Variants in SLCO1B1 observed in about 807,000 individuals in gnomAD.
SLCO1B1 encodes OATP-2.
A neutral mutation model predicts 70.1 loss-of-function variants in SLCO1B1; 81 were observed. The ratio of observed to expected loss-of-function variants is 1.16; its 90% CI spans 0.97 to 1.39. SLCO1B1 has a LOEUF of 1.39. Ranked by LOEUF, SLCO1B1 falls within the 40% of genes most tolerant of loss-of-function variation. SLCO1B1 has a pLI of 0.00. For synonymous variants in SLCO1B1, 283 were observed against 271.5 expected (o/e 1.04, Z -0.42); for missense variants, 895 against 799.6 (o/e 1.12, Z -1.44).
intron 1 of SLCO1B1, among the ~76,000 whole-genome samples, chr12:21,137,514 A>G (rs1419541714): frequency 6.6e-6 from 1 of 152,014 alleles, no homozygotes; most frequent in Non-Finnish European, 1.5e-5. Context: ...TGTTTACCTA[A>G]TCAAACAACT....
chr12:21,172,892 G>A (rs781394740), intron 3 of SLCO1B1, 101 bp downstream of exon 3: 17 of 1,083,914 alleles, frequency 1.6e-5, no homozygotes, highest in Non-Finnish European at 2.3e-5. Flanking sequence ...ATCTCTCACA[G>A]GCAATTTGGC....
intron 7 of SLCO1B1, 66 bp from the exon 8 acceptor site, chr12:21,196,880 T>A: frequency 1.3e-6 from 2 of 1,495,442 alleles, no homozygotes; most frequent in Non-Finnish European, 1.8e-6. Flanking sequence ...CTTCATACCA[T>A]TATTTCCCTG....
At chr12:21,172,894 C>A in intron 3 of SLCO1B1, 103 bp downstream of exon 3, 1 of 1,081,314 alleles carries the variant, frequency 9.2e-7, no homozygotes, top group East Asian at 2.6e-5. Context: ...CTCTCACAGG[C>A]AATTTGGCAA....
intron 10 of SLCO1B1, among the ~76,000 whole-genome samples, chr12:21,203,044 A>T (rs1941176109): frequency 6.6e-6 from 1 of 152,078 alleles, no homozygotes; most frequent in Non-Finnish European, 1.5e-5. Context: ...GAGTTTTTTA[A>T]GTCCAAAACT....
chr12:21,239,766 G>A lies in SLCO1B1; in HGVS notation c.*577G>A, dbSNP rs896161288. 6.6e-6 allele frequency among the ~76,000 whole-genome samples: 1 copy of A among 152,070 alleles called. No homozygotes were observed. Among genetic ancestry groups the A allele is most frequent in the Non-Finnish European group, 1.5e-5 (1 of 68,008 alleles). ...AATTTAGAATACATTTAAGTATTGT[G>A]GAAGAAATAAAGACATTCCAATATT... is the stretch of plus-strand genomic sequence containing the variant. On this transcript the variant is annotated 3_prime_UTR_variant, in exon 15 of 15. Coordinates refer to ENST00000256958, the MANE Select transcript of SLCO1B1 (RefSeq NM_006446.5).
intron 1 of SLCO1B1, among the ~76,000 whole-genome samples, chr12:21,138,861 G>T (rs1414731669): frequency 6.6e-6 from 1 of 152,156 alleles, no homozygotes; most frequent in Admixed American, 6.5e-5. Context: ...GTCTGCAGGT[G>T]CTATGGGTAT....
In SLCO1B1 at chr12:21,200,548, G is replaced by C. The variant is rs765160169; in HGVS notation, c.1011G>C (p.Leu337=). 13 of 1,602,968 alleles carry C rather than the reference G, an allele frequency of 8.1e-6. No homozygotes were observed. The South Asian group carries it at 1.3e-4, about 17-fold the overall frequency. Residue 337 remains leucine (L), a synonymous_variant, in exon 9 of 15, where the codon CTG becomes CTC. Coordinates refer to ENST00000256958, the MANE Select transcript of SLCO1B1 (RefSeq NM_006446.5). ...TTAAAAGCATCCTTACTAATCCCCT[G>C]TATGTTATGTTTGTGCTTTTGACGT... is the stretch of plus-strand genomic sequence containing the variant. The part of the protein sequence containing the change: ...QSFKSILTNP[L]YVMFVLLTLL...
intron 2 of SLCO1B1, 136 bp from the exon 3 acceptor site, chr12:21,172,514 G>A (rs1940767956): frequency 1.0e-6 from 1 of 976,380 alleles, no homozygotes; most frequent in African/African-American, 1.6e-5. Flanking sequence ...TGGTAAAAGG[G>A]AAAACTAAGT....
intron 8 of SLCO1B1, 148 bp downstream of exon 8, chr12:21,197,336 C>T (rs1286108439): frequency 3.7e-6 from 3 of 807,786 alleles, no homozygotes; most frequent in South Asian, 3.6e-5. Context: ...TTCTAAAACT[C>T]CTATTAAAGT....
chr12:21,167,472 C>T (rs139485112), intron 2 of SLCO1B1, among the ~76,000 whole-genome samples: 2,098 of 152,254 alleles, frequency 0.014, 24 homozygotes, highest in African/African-American at 0.026. Context: ...GTATCTGCAG[C>T]CACTCTGGCA....
rs1941426800 is a variant in SLCO1B1 at position 21,221,842 on chromosome 12, G to A, written c.1683-458G>A. Reference sequence around the variant, plus strand: ...TAGTACAACCTTTATGAAAAACAATGTGGAGATTTTTCAAGTATCTGAAAA... The same window carrying A: ...TAGTACAACCTTTATGAAAAACAATATGGAGATTTTTCAAGTATCTGAAAA... On this transcript the variant is annotated intron_variant, in intron 12 of 14. Coordinates refer to ENST00000256958, the MANE Select transcript of SLCO1B1 (RefSeq NM_006446.5). Among the ~76,000 whole-genome samples the A allele has an allele frequency of 2.0e-5, 3 of 152,246 alleles. No homozygotes were observed. In the East Asian group the frequency reaches 5.8e-4, roughly 29 times the overall value.
intron 7 of SLCO1B1, among the ~76,000 whole-genome samples, chr12:21,186,707 G>A (rs188371563): frequency 6.6e-6 from 1 of 152,136 alleles, no homozygotes; most frequent in East Asian, 1.9e-4. Context: ...TGATGGCATT[G>A]CTGAGTCTAT....
chr12:21,230,755 G>T (rs958735494), intron 14 of SLCO1B1, among the ~76,000 whole-genome samples: 13 of 152,072 alleles, frequency 8.5e-5, no homozygotes, highest in African/African-American at 2.9e-4. Context: ...GTAATGATTT[G>T]GTATAATTTC....
At chr12:21,199,049 T>C (rs1272477310) in intron 8 of SLCO1B1, among the ~76,000 whole-genome samples, 1 of 152,126 alleles carries the variant, frequency 6.6e-6, no homozygotes, top group Non-Finnish European at 1.5e-5. Flanking sequence ...GAATTTTAAA[T>C]GTTGTTTATT....
intron 7 of SLCO1B1, among the ~76,000 whole-genome samples, chr12:21,195,641 G>T (rs749079718): frequency 5.3e-5 from 8 of 152,062 alleles, no homozygotes; most frequent in Non-Finnish European, 1.2e-4. Flanking sequence ...TTAGGTTTGT[G>T]GTCGAAATAT....
At chr12:21,186,756 C>T (rs1120964) in intron 7 of SLCO1B1, among the ~76,000 whole-genome samples, 12,906 of 151,858 alleles carry the variant, frequency 0.085, 871 homozygotes, top group East Asian at 0.25. Context: ...AGTAATATAC[C>T]GTCTTATCTC....
rs199837683 is a variant in SLCO1B1 at position 21,220,114 on chromosome 12, G to A, written c.1683-2186G>A. ...TAGGGTTTGCTGAGACATTGAATGT[G>A]GCATGTGAGAAAGATAATTTAAGGA... On this transcript the variant is annotated intron_variant, in intron 12 of 14. Transcript: ENST00000256958. Among the ~76,000 whole-genome samples, 6 of 152,248 alleles carry A rather than the reference G, an allele frequency of 3.9e-5. No homozygotes were observed. The East Asian group carries it at 7.7e-4, about 20-fold the overall frequency.
intron 2 of SLCO1B1, 92 bp downstream of exon 2, chr12:21,141,750 C>T: frequency 1.4e-6 from 1 of 726,652 alleles, no homozygotes; most frequent in Non-Finnish European, 2.4e-6. Flanking sequence ...CATTATGTTT[C>T]AAATTATAAT....
At chr12:21,237,629 T>C (rs1309291721) in intron 14 of SLCO1B1, among the ~76,000 whole-genome samples, 1 of 152,178 alleles carries the variant, frequency 6.6e-6, no homozygotes, top group Non-Finnish European at 1.5e-5. Context: ...TTGAATTGTT[T>C]GTAACTCAAA....
Sources: gnomAD v4.1 joint callset for allele counts (sites outside exome capture counted in the v4.1 genomes callset) on GRCh38, gnomAD v4.1.1 for gene constraint, MANE v1.5 for transcripts, NCBI Gene and HGNC (gene_info 2026-07-23, HGNC 2026-07-21) for gene names.